LGSN: variants seen among roughly 807,000 people sequenced by gnomAD.
LGSN encodes lengsin, lens protein with glutamine synthetase domain.
In LGSN, 21 loss-of-function variants were observed where a neutral mutation model predicts 19.5. The observed-to-expected ratio is 1.07, with a 90% CI of 0.76 to 1.55. The LOEUF is 1.55. Ranked by LOEUF, LGSN falls within the 40% of genes most tolerant of loss-of-function variation. The probability of loss-of-function intolerance (pLI) is 0.00; values close to 1 mark genes in which losing one functional copy is unlikely to be tolerated. For synonymous variants in LGSN, 257 were observed against 215.6 expected (o/e 1.19, Z -1.68); for missense variants, 673 against 608.5 (o/e 1.11, Z -1.12).
chr6:63,517,891 C>T, the LGSN span, among the ~76,000 whole-genome samples: 19 of 152,234 alleles, frequency 1.2e-4, no homozygotes, highest in Non-Finnish European at 2.2e-4. Flanking sequence ...TGGTGGCTCA[C>T]GCCTGCAATC....
At chr6:63,543,602 T>C in the LGSN span, among the ~76,000 whole-genome samples, 1 of 152,226 alleles carries the variant, frequency 6.6e-6, no homozygotes, top group Non-Finnish European at 1.5e-5. Flanking sequence ...AGGAAGGATA[T>C]ATCACATGAA....
chr6:63,338,070 G>C, the LGSN span, among the ~76,000 whole-genome samples: 1 of 151,894 alleles, frequency 6.6e-6, no homozygotes, highest in African/African-American at 2.4e-5. Flanking sequence ...ATTTTTAGTA[G>C]AGACAAGGTT....
At chr6:63,514,029 A>C in the LGSN span, among the ~76,000 whole-genome samples, 1 of 152,002 alleles carries the variant, frequency 6.6e-6, no homozygotes, top group Admixed American at 6.6e-5. Flanking sequence ...ATAAATACAA[A>C]TGAATAATAT....
At chr6:63,572,505 C>A in the LGSN span, 2 of 390,408 alleles carry the variant, frequency 5.1e-6, no homozygotes, top group Non-Finnish European at 9.1e-6. Context: ...TTGGCTCCTT[C>A]GGCTGCGGGC....
At chr6:63,339,240 C>T in the LGSN span, among the ~76,000 whole-genome samples, 1 of 152,128 alleles carries the variant, frequency 6.6e-6, no homozygotes. Context: ...GATTTTCTAT[C>T]TGGATGATTT....
At chr6:63,408,052 A>C in the LGSN span, among the ~76,000 whole-genome samples, 1 of 152,238 alleles carries the variant, frequency 6.6e-6, no homozygotes, top group Non-Finnish European at 1.5e-5. Flanking sequence ...ATGGAAGAAC[A>C]TTCCATGCTC....
At chr6:63,310,267 A>G (rs1414494076) in intron 1 of LGSN, among the ~76,000 whole-genome samples, 1 of 152,114 alleles carries the variant, frequency 6.6e-6, no homozygotes, top group African/African-American at 2.4e-5. Flanking sequence ...AAAATGATTA[A>G]TGTTCTTATT....
At chr6:63,408,061 T>C in the LGSN span, among the ~76,000 whole-genome samples, 1 of 152,210 alleles carries the variant, frequency 6.6e-6, no homozygotes, top group African/African-American at 2.4e-5. Context: ...CATTCCATGC[T>C]CATGGGTAGG....
chr6:63,299,589 G>C (rs1768106756), intron 1 of LGSN, among the ~76,000 whole-genome samples: 1 of 152,068 alleles, frequency 6.6e-6, no homozygotes, highest in South Asian at 2.1e-4. Flanking sequence ...ACAGGTAATT[G>C]GAATATTGAT....
the LGSN span, among the ~76,000 whole-genome samples, chr6:63,485,668 AT>A: frequency 6.6e-6 from 1 of 152,160 alleles, no homozygotes; most frequent in African/African-American, 2.4e-5. Context: ...ATAAGAATTC[AT>A]TTTTCTCCAT....
chr6:63,463,297 T>C, the LGSN span, among the ~76,000 whole-genome samples: 3 of 152,164 alleles, frequency 2.0e-5, no homozygotes, highest in African/African-American at 7.2e-5. Flanking sequence ...TATGCTGATA[T>C]TATTATCTTT....
the LGSN span, among the ~76,000 whole-genome samples, chr6:63,526,215 C>T: frequency 6.6e-6 from 1 of 152,056 alleles, no homozygotes; most frequent in Admixed American, 6.6e-5. Context: ...GTCCCAGCTA[C>T]TCAGGAGGCT....
chr6:63,279,856 T>C lies in LGSN; in HGVS notation c.*165A>G. 2 of 629,204 alleles carry C rather than the reference T, an allele frequency of 3.2e-6. No individual in the cohort carries two copies. Among genetic ancestry groups the C allele is most frequent in the Non-Finnish European group, 2.8e-6 (1 of 362,004 alleles). 39.0% of individuals were successfully genotyped at this position (629,204 alleles called of 1,614,324 possible). A position where few individuals can be genotyped will look rare whatever the true frequency, so the allele number is the denominator to read the frequency against. ...TCTGTTATCAGAATCTTCTCAGCAG[T>C]CCTACTTCATCTGTCAAATATTCCA... On this transcript the variant is annotated 3_prime_UTR_variant, in exon 4 of 4. Coordinates refer to ENST00000370657, the MANE Select transcript of LGSN (RefSeq NM_016571.3).
At chr6:63,511,216 T>C in the LGSN span, among the ~76,000 whole-genome samples, 144,356 of 151,248 alleles carry the variant, frequency 0.95, 68,985 homozygotes, top group East Asian at 1. Flanking sequence ...ATCCCTACTC[T>C]AGGTCAAGCT....
At chr6:63,417,821 G>A in the LGSN span, among the ~76,000 whole-genome samples, 5 of 152,310 alleles carry the variant, frequency 3.3e-5, no homozygotes, top group Non-Finnish European at 7.3e-5. Flanking sequence ...TACAGTGACA[G>A]TGTGACTATA....
chr6:63,439,655 C>T, the LGSN span, among the ~76,000 whole-genome samples: 6 of 152,200 alleles, frequency 3.9e-5, no homozygotes, highest in East Asian at 1.2e-3. Context: ...CACTCTTGTC[C>T]TCCACCTCTT....
At chr6:63,304,338 G>A (rs2127392225) in intron 1 of LGSN, among the ~76,000 whole-genome samples, 1 of 152,306 alleles carries the variant, frequency 6.6e-6, no homozygotes, top group Admixed American at 6.5e-5. Context: ...GATTAGAAAT[G>A]TATCCCTTAC....
At chr6:63,487,125 G>A in the LGSN span, among the ~76,000 whole-genome samples, 3 of 151,642 alleles carry the variant, frequency 2.0e-5, no homozygotes, top group East Asian at 1.9e-4. Flanking sequence ...GTGAGCCACC[G>A]TGCCTGGCCT....
At chr6:63,440,141 G>A in the LGSN span, among the ~76,000 whole-genome samples, 1 of 152,164 alleles carries the variant, frequency 6.6e-6, no homozygotes, top group Admixed American at 6.5e-5. Context: ...AGTATTGATA[G>A]GGACAGCAGA....
Sources: gnomAD v4.1 joint callset for allele counts (sites outside exome capture counted in the v4.1 genomes callset) on GRCh38, gnomAD v4.1.1 for gene constraint, MANE v1.5 for transcripts, NCBI Gene and HGNC (gene_info 2026-07-23, HGNC 2026-07-21) for gene names.